The following PLK5 variants were observed in gnomAD, a reference collection of about 807,000 sequenced individuals.
PLK5 encodes inactive serine/threonine-protein kinase PLK5.
A neutral mutation model predicts 33.7 loss-of-function variants in PLK5; 28 were observed. The observed-to-expected ratio is 0.83, with a 90% CI of 0.62 to 1.14. PLK5 has a LOEUF of 1.14. Ranked by LOEUF, PLK5 falls within the 50% of genes most tolerant of loss-of-function variation. The pLI is 0.00. For missense variants in PLK5, 492 were observed against 461.5 expected (o/e 1.07, Z -0.61); for synonymous variants, 225 against 202.2 (o/e 1.11, Z -0.96).
rs73521412 is a variant in PLK5 at position 1,529,459 on chromosome 19, C to T, written c.459C>T (p.Val153=). 1,331 of 1,536,014 alleles carry T rather than the reference C, an allele frequency of 8.7e-4. 17 individuals carry two copies. In the African/African-American group the frequency reaches 0.015, roughly 18 times the overall value. ...VPCLEGPIHL[V]AQGTLQSDLA... ...GCCTGGAAGGCCCCATCCACCTGGT[C>T]GCACAAGGGACCCTGCAGAGTGACC... Residue 153 remains valine (V), a synonymous_variant, in exon 10 of 14, where the codon GTC becomes GTT. Coordinates refer to ENST00000454744, the MANE Select transcript of PLK5 (RefSeq NM_001243079.2).
At position 1,533,686 on chromosome 19, in the gene PLK5, G is replaced by C. The variant is rs138480216; in HGVS notation, c.715-245G>C. The stretch of plus-strand genomic sequence containing the variant: ...GGAAGGGTGTCCACTGGCCTGGGCT[G>C]TCCAGGACAGAGGCCCTGTGTCCTG... On this transcript the variant is annotated intron_variant, in intron 12 of 13. Coordinates refer to ENST00000454744, the MANE Select transcript of PLK5 (RefSeq NM_001243079.2). 99 of 593,028 alleles carry C rather than the reference G, an allele frequency of 1.7e-4. 2 individuals carry two copies. The highest frequency in any genetic ancestry group is 1.4e-3 in the East Asian group (51 of 36,178). The allele number at this position is 593,028 out of a possible 1,614,324, so 36.7% of individuals were successfully genotyped here.
intron 13 of PLK5, 62 bp downstream of exon 13, chr19:1,534,103 G>T (rs2145549379): frequency 7.5e-7 from 1 of 1,331,718 alleles, no homozygotes; most frequent in South Asian, 1.3e-5. Flanking sequence ...GGCCTGCCTG[G>T]GCTGTTACGG....
Position 1,533,914 on chromosome 19 carries a change from G to A in PLK5, c.715-17G>A. ...ACGCCCCCTGCGTCACGTGACCTCA[G>A]CCGAGTCTGTCCACAGGAGGGGACC... On this transcript the variant is annotated splice_polypyrimidine_tract_variant and intron_variant, in intron 12 of 13. Coordinates refer to ENST00000454744, the MANE Select transcript of PLK5 (RefSeq NM_001243079.2). 1 of 1,525,198 alleles carries A rather than the reference G, an allele frequency of 6.6e-7. No individual in the cohort carries two copies. The highest frequency in any genetic ancestry group is 8.8e-7 in the Non-Finnish European group (1 of 1,139,130). 94.5% of individuals were successfully genotyped at this position (1,525,198 alleles called of 1,614,324 possible). A position where few individuals can be genotyped will look rare whatever the true frequency, so the allele number is the denominator to read the frequency against.
intron 13 of PLK5, among the ~76,000 whole-genome samples, chr19:1,534,832 C>T (rs1282958965): frequency 6.7e-6 from 1 of 149,276 alleles, no homozygotes; most frequent in Non-Finnish European, 1.5e-5. Flanking sequence ...AAAAAAAAGT[C>T]AGGGTCTTGC....
rs1351908496 is a variant in PLK5 at position 1,524,553 on chromosome 19, C to A, written c.-544+307C>A. ...GAGCCTGGCGAGGGTCTGAGTGTGC[C>A]GCGTCTGTGCCCGCTGCTTCCAAGT... On this transcript the variant is annotated intron_variant, in intron 1 of 13. Coordinates refer to ENST00000454744, the MANE Select transcript of PLK5 (RefSeq NM_001243079.2). This position sits in a 1 kb window ranked among gnomAD's most constrained non-coding sequence, Gnocchi z 4.5. 6.6e-6 allele frequency among the ~76,000 whole-genome samples: 1 copy of A among 151,710 alleles called. No homozygotes were observed. The highest frequency in any genetic ancestry group is 1.5e-5 in the Non-Finnish European group (1 of 67,942).
At position 1,535,590 on chromosome 19, in the gene PLK5, AT is replaced by A. The variant is rs1390523539; in HGVS notation, c.*342del. 1 of 301,956 alleles carries A rather than the reference AT, an allele frequency of 3.3e-6. No individual in the cohort carries two copies. The highest frequency in any genetic ancestry group is 6.1e-6 in the Non-Finnish European group (1 of 163,308). 18.7% of individuals were successfully genotyped at this position (301,956 alleles called of 1,614,324 possible). ...GGGTTACATTTTCACTAATGCAGACATTAGCACCAGAGGCCAGTGTAGTGGC... is the reference window on the plus strand; with the variant it reads ...GGGTTACATTTTCACTAATGCAGACATAGCACCAGAGGCCAGTGTAGTGGC... On this transcript the variant is annotated 3_prime_UTR_variant, in exon 14 of 14. Transcript: ENST00000454744.
Position 1,528,363 on chromosome 19 carries a change from C to T in PLK5, c.263C>T (p.Pro88Leu). 2 of 1,535,706 alleles carry T rather than the reference C, an allele frequency of 1.3e-6. No individual in the cohort carries two copies. Among genetic ancestry groups the T allele is most frequent in the Non-Finnish European group, 1.7e-6 (2 of 1,146,764 alleles). Residue 88 changes from proline (P) to leucine (L), a missense_variant, in exon 8 of 14, where the codon CCC becomes CTC. Transcript: ENST00000454744. Reference sequence around the variant, plus strand: ...CACAGTCCCCCCATCTTCGCCATACCCCCGCCTCTGGGCAGGATCTTCCGG... The same window carrying T: ...CACAGTCCCCCCATCTTCGCCATACTCCCGCCTCTGGGCAGGATCTTCCGG... ...SCHSPPIFAI[P>L]PPLGRIFRKV...
chr19:1,528,907 C>T lies in PLK5; in HGVS notation c.338C>T (p.Thr113Met), dbSNP rs188238762. ...CTTGTGCCTCCCTCAGGCCCCTTCA[C>T]GCCTAAAGAGGCCTCGGGTCCAGGA... ...LTQCRPPCPF[T>M]PKEASGPGEG... is the part of the protein sequence containing the mutation. Residue 113 changes from threonine to methionine, a missense_variant, in exon 9 of 14, where the codon ACG becomes ATG. Thr to Met is a moderately conservative substitution (Grantham distance 81, BLOSUM62 -1). Transcript: ENST00000454744. The T allele has an allele frequency of 3.8e-5, 58 of 1,515,554 alleles. No homozygotes were observed. In the East Asian group the frequency reaches 4.5e-4, roughly 12 times the overall value. The allele number at this position is 1,515,554 out of a possible 1,614,324, so 93.9% of individuals were successfully genotyped here.
rs781412544 is a variant in PLK5 at position 1,529,816 on chromosome 19, G to C, written c.560G>C (p.Gly187Ala). 4.7e-5 allele frequency: 72 copies of C among 1,535,646 alleles called. No individual in the cohort carries two copies. The highest frequency in any genetic ancestry group is 6.1e-5 in the Non-Finnish European group (70 of 1,146,800). Residue 187 changes from glycine (G) to alanine (A), a missense_variant, in exon 11 of 14, where the codon GGC (glycine) becomes GCC (alanine). Physicochemically the swap from Gly to Ala is moderately conservative, Grantham distance 60. Transcript: ENST00000454744. ...CACCTGCAGCTGTGCCTGGATGTAG[G>C]CCCCCCGGGTAGGAGCCGGCCCAGC... The part of the protein sequence containing the change: ...LRHLQLCLDV[G>A]PPATQDPLGE...
At chr19:1,527,328 G>T (rs978318835) in intron 6 of PLK5, among the ~76,000 whole-genome samples, 1 of 152,054 alleles carries the variant, frequency 6.6e-6, no homozygotes, top group African/African-American at 2.4e-5. Flanking sequence ...GAGGCCAGGC[G>T]CAGTGACTCA....
intron 11 of PLK5, among the ~76,000 whole-genome samples, chr19:1,530,620 T>C (rs1913900031): frequency 7.9e-6 from 1 of 126,788 alleles, no homozygotes; most frequent in Non-Finnish European, 1.7e-5. Flanking sequence ...TTTTTTTTTT[T>C]TTTTTTTTTT....
intron 11 of PLK5, among the ~76,000 whole-genome samples, 187 bp downstream of exon 11, chr19:1,530,011 C>T (rs1184036834): frequency 6.6e-6 from 1 of 152,144 alleles, no homozygotes; most frequent in East Asian, 1.9e-4. Context: ...GCACGGAGGG[C>T]TCTGCGGCAG....
Position 1,529,489 on chromosome 19 carries a change from C to G in PLK5, c.489C>G (p.Ala163=), listed in dbSNP as rs530946143. ...AAGGGACCCTGCAGAGTGACCTGGCCGGTGAGCAGATCCCCGTCCCAGCCC... is the reference window on the plus strand; with the variant it reads ...AAGGGACCCTGCAGAGTGACCTGGCGGGTGAGCAGATCCCCGTCCCAGCCC... ...VAQGTLQSDL[A]GPEGSRRPEV... is the part of the protein sequence containing the mutation. Residue 163 remains alanine (A), a splice_region_variant and synonymous_variant, in exon 10 of 14, where the codon GCC becomes GCG. Transcript: ENST00000454744. The G allele has an allele frequency of 6.5e-7, 1 of 1,535,478 alleles. No homozygotes were observed. The highest frequency in any genetic ancestry group is 1.7e-4 in the Middle Eastern group (1 of 5,900).
At chr19:1,530,148 C>A (rs865907724) in intron 11 of PLK5, among the ~76,000 whole-genome samples, 2 of 152,076 alleles carry the variant, frequency 1.3e-5, no homozygotes, top group African/African-American at 4.8e-5. Flanking sequence ...AAGGGGGACC[C>A]CTCTTATCCC....
rs1198568508 is a variant in PLK5 at position 1,524,402 on chromosome 19, G to A, written c.-544+156G>A. 2.6e-5 allele frequency among the ~76,000 whole-genome samples: 4 copies of A among 152,128 alleles called. No homozygotes were observed. Among genetic ancestry groups the A allele is most frequent in the African/African-American group, 9.6e-5 (4 of 41,454 alleles). ...TCCGGAGCCGCGGGGCCTCCCGTGC[G>A]GGGTTTCGCATGGCGGGAACCGTGT... On this transcript the variant is annotated intron_variant, in intron 1 of 13. Transcript: ENST00000454744. The surrounding 1 kb of genome is among the most constrained non-coding windows in gnomAD (Gnocchi z 4.5).
rs1306187167 is a variant in PLK5 at position 1,526,481 on chromosome 19, C to T, written c.-312-5C>T. ...TTCTAATCCGGGGCCGCTGGTCACC[C>T]ACAGTCTTTGGCCCACGTGCTGAGG... On this transcript the variant is annotated splice_polypyrimidine_tract_variant and splice_region_variant and intron_variant, in intron 3 of 13. Coordinates refer to ENST00000454744, the MANE Select transcript of PLK5 (RefSeq NM_001243079.2). 8.0e-6 allele frequency: 2 copies of T among 249,490 alleles called. No homozygotes were observed. Among genetic ancestry groups the T allele is most frequent in the Admixed American group, 5.1e-5 (1 of 19,598 alleles). The allele number at this position is 249,490 out of a possible 1,614,324, so 15.5% of individuals were successfully genotyped here.
chr19:1,532,350 G>C (rs58373575), intron 12 of PLK5, among the ~76,000 whole-genome samples: 9,512 of 151,826 alleles, frequency 0.063, 971 homozygotes, highest in African/African-American at 0.22. Flanking sequence ...ATCAGCCTTG[G>C]CCTCATAGCA....
chr19:1,529,365 T>TGGGGCCGGGGCC (rs745710602), intron 9 of PLK5, 41 bp from the exon 10 acceptor site: 1 of 1,498,538 alleles, frequency 6.7e-7, no homozygotes, highest in South Asian at 1.2e-5. Context: ...TCCCTGGGGC[T>TGGGGCCGGGGCC]GGGGCCGGGG....
intron 11 of PLK5, 51 bp from the exon 12 acceptor site, chr19:1,531,687 T>C (rs1913932566): frequency 1.3e-6 from 2 of 1,526,074 alleles, no homozygotes; most frequent in Non-Finnish European, 8.8e-7. Context: ...GAGTGCCTAC[T>C]ATATGCCTGA....
Sources: allele counts gnomAD v4.1 joint callset (sites outside exome capture counted in the v4.1 genomes callset), GRCh38; gene constraint gnomAD v4.1.1; non-coding constraint Gnocchi (gnomAD v3.1); transcripts MANE v1.5; gene names NCBI Gene and HGNC (gene_info 2026-07-23, HGNC 2026-07-21).